BDP1: variants seen among roughly 807,000 people sequenced by gnomAD.
BDP1 encodes transcription factor TFIIIB component B'' homolog.
A neutral mutation model predicts 266.6 loss-of-function variants in BDP1; 169 were observed. The ratio of observed to expected loss-of-function variants is 0.63; its 90% CI spans 0.56 to 0.72. The LOEUF is 0.72. BDP1 is among the 30% of genes least tolerant of loss of function. The pLI is 0.00. For synonymous variants in BDP1, 1,090 were observed against 1,022.4 expected, an observed-to-expected ratio of 1.07 and a Z score of -1.26; for missense variants, 3,015 against 3,053.8, an observed-to-expected ratio of 0.99 and a Z score of 0.30.
chr5:71,527,458 A>G (rs1765960643), intron 25 of BDP1, among the ~76,000 whole-genome samples: 1 of 152,162 alleles, frequency 6.6e-6, no homozygotes, highest in South Asian at 2.1e-4. Context: ...CCTTTTGGCA[A>G]CCACTTTTCT....
intron 28 of BDP1, among the ~76,000 whole-genome samples, chr5:71,540,904 C>T (rs1766925998): frequency 6.6e-6 from 1 of 152,104 alleles, no homozygotes; most frequent in Non-Finnish European, 1.5e-5. Context: ...CACCACTGCA[C>T]TCCAGCCTGG....
intron 5 of BDP1, 66 bp from the exon 6 acceptor site, chr5:71,467,288 A>G: frequency 7.7e-7 from 1 of 1,299,712 alleles, no homozygotes; most frequent in Non-Finnish European, 1.1e-6. Context: ...ATAACTATTT[A>G]CATCTCATTT....
At chr5:71,556,769 C>CT (rs1743242383) in intron 35 of BDP1, 117 bp from the exon 36 acceptor site, 1 of 524,976 alleles carries the variant, frequency 1.9e-6, no homozygotes, top group Non-Finnish European at 3.3e-6. Context: ...TAGAATTCCT[C>CT]TAAGAGCTTT....
intron 36 of BDP1, among the ~76,000 whole-genome samples, chr5:71,557,701 G>C (rs1165999057): frequency 2.0e-5 from 1 of 50,276 alleles, no homozygotes; most frequent in Non-Finnish European, 5.2e-5. Flanking sequence ...TGTCCAGCCT[G>C]GTCTTGAATG....
chr5:71,493,268 A>G (rs974512348), intron 11 of BDP1, among the ~76,000 whole-genome samples: 8 of 152,186 alleles, frequency 5.3e-5, no homozygotes, highest in African/African-American at 1.9e-4. Flanking sequence ...TAAAATAATT[A>G]AAAAATGTTG....
At chr5:71,521,809 T>C (rs993261263) in intron 22 of BDP1, among the ~76,000 whole-genome samples, 2 of 152,190 alleles carry the variant, frequency 1.3e-5, no homozygotes, top group African/African-American at 4.8e-5. Flanking sequence ...TTCAGGCATC[T>C]GTTAGGAGAA....
At chr5:71,538,996 G>T in intron 26 of BDP1, 46 bp from the exon 27 acceptor site, 1 of 1,313,790 alleles carries the variant, frequency 7.6e-7, no homozygotes. Flanking sequence ...AACAGAACAT[G>T]TTTGGGGAAG....
chr5:71,576,835 A>G, the BDP1 span, among the ~76,000 whole-genome samples: 7 of 152,294 alleles, frequency 4.6e-5, no homozygotes, highest in East Asian at 1.2e-3. Flanking sequence ...GGCATTATCT[A>G]GGGAGGAAAG....
rs114232749 is a variant in BDP1 at position 71,481,425 on chromosome 5, G to A, written c.1015-2417G>A. On this transcript the variant is annotated intron_variant, in intron 7 of 38. Coordinates refer to ENST00000358731, the MANE Select transcript of BDP1 (RefSeq NM_018429.3). ...AAAAAAAAAAAAAAAAGCCAGGCTTGGTGGCACACGTCCCCTAGCAATTCA... is the reference window on the plus strand; with the variant it reads ...AAAAAAAAAAAAAAAAGCCAGGCTTAGTGGCACACGTCCCCTAGCAATTCA... Among the ~76,000 whole-genome samples, 471 of 145,748 alleles carry A rather than the reference G, an allele frequency of 3.2e-3. 4 individuals carry two copies. The highest frequency in any genetic ancestry group is 0.011 in the African/African-American group (453 of 39,650).
chr5:71,525,752 C>G (rs1461734615), intron 25 of BDP1, among the ~76,000 whole-genome samples: 3 of 151,606 alleles, frequency 2.0e-5, no homozygotes, highest in Admixed American at 1.3e-4. Flanking sequence ...CCACCTCCCT[C>G]CCGGACGGGG....
intron 26 of BDP1, 93 bp from the exon 27 acceptor site, chr5:71,538,949 T>A: frequency 1.2e-6 from 1 of 813,706 alleles, no homozygotes; most frequent in East Asian, 2.6e-5. Context: ...TAGCTAAAAG[T>A]ATGGAAAGAC....
Position 71,539,797 on chromosome 5 carries a change from A to G in BDP1, c.6022+148A>G, listed in dbSNP as rs1766849409. ...CATAAAATATGATATGTATGTATTG[A>G]TCCATCCACTATTTTACTACTGTTT... On this transcript the variant is annotated intron_variant, in intron 28 of 38. Transcript: ENST00000358731. 13 of 551,080 alleles carry G rather than the reference A, an allele frequency of 2.4e-5. No homozygotes were observed. In the South Asian group the frequency reaches 3.2e-4, roughly 14 times the overall value. 34.1% of individuals were successfully genotyped at this position (551,080 alleles called of 1,614,324 possible).
rs1765018366 is a variant in BDP1 at position 71,513,058 on chromosome 5, G to A, written c.4248-127G>A. ...AGCCTGGGGGATAGAACAAGACCCT[G>A]TCTCCAAAAAAAAAAAAAAAAAAAA... On this transcript the variant is annotated intron_variant, in intron 18 of 38. Transcript: ENST00000358731. The A allele has an allele frequency of 2.7e-5, 15 of 550,742 alleles. No homozygotes were observed. In the East Asian group the frequency reaches 4.7e-4, roughly 17 times the overall value. The allele number at this position is 550,742 out of a possible 1,614,324, so 34.1% of individuals were successfully genotyped here. A position where few individuals can be genotyped will look rare whatever the true frequency, so the allele number is the denominator to read the frequency against.
chr5:71,522,615 G>C, intron 23 of BDP1, 125 bp downstream of exon 23: 1 of 1,164,608 alleles, frequency 8.6e-7, no homozygotes, highest in South Asian at 1.6e-5. Context: ...CATGAAAAGT[G>C]ACTTTCTAGT....
chr5:71,572,368 G>C (rs1273305630), downstream of BDP1, among the ~76,000 whole-genome samples: 1 of 152,162 alleles, frequency 6.6e-6, no homozygotes, highest in Non-Finnish European at 1.5e-5. Context: ...AACAGAATCT[G>C]GTGCTTTACA....
At chr5:71,549,388 CT>C in intron 33 of BDP1, 31 bp from the exon 34 acceptor site, 3 of 1,536,310 alleles carry the variant, frequency 2.0e-6, no homozygotes, top group South Asian at 1.2e-5. Flanking sequence ...CATAGTTGAG[CT>C]TTTTTATTAC....
chr5:71,480,681 C>T (rs1296456657), intron 7 of BDP1, among the ~76,000 whole-genome samples: 3 of 151,622 alleles, frequency 2.0e-5, no homozygotes, highest in African/African-American at 7.3e-5. Context: ...ATTCTTCTGC[C>T]TCAGCCTCCC....
intron 14 of BDP1, among the ~76,000 whole-genome samples, chr5:71,502,225 C>A (rs1764291873): frequency 2.9e-5 from 4 of 139,180 alleles, no homozygotes; most frequent in African/African-American, 1.1e-4. Context: ...CTCGCTCTGT[C>A]ACGTAGTGGT....
rs751301493 is a variant in BDP1, at chr5:71,512,273, T to C, written c.4092T>C (p.His1364=). The part of the protein sequence containing the change: ...NISSEVLSMM[H]TPVEEKRNSE... ...GCAGTGAAGTACTGTCGATGATGCA[T>C]ACACCTGTAGAAGAAAAAAGAAATT... The change falls in exon 18 of 39, where the codon CAT becomes CAC. Residue 1364 remains histidine, a synonymous_variant. Coordinates refer to ENST00000358731, the MANE Select transcript of BDP1 (RefSeq NM_018429.3). 1 of 1,575,336 alleles carries C rather than the reference T, an allele frequency of 6.3e-7. No homozygotes were observed. The highest frequency in any genetic ancestry group is 8.6e-7 in the Non-Finnish European group (1 of 1,167,024).
Sources: allele counts gnomAD v4.1 joint callset (sites outside exome capture counted in the v4.1 genomes callset), GRCh38; gene constraint gnomAD v4.1.1; transcripts MANE v1.5; gene names NCBI Gene and HGNC (gene_info 2026-07-23, HGNC 2026-07-21).